The following CACNA2D3 variants were observed in gnomAD, a reference collection of about 807,000 sequenced individuals.
The protein encoded by CACNA2D3 is calcium voltage-gated channel auxiliary subunit alpha2delta 3.
Under a neutral mutation model 160.6 loss-of-function variants are expected in CACNA2D3, and 60 were observed. That is an observed-to-expected ratio of 0.37 (90% CI 0.30 to 0.46). The LOEUF (loss-of-function observed/expected upper bound fraction) is 0.46. Among genes scored for constraint, CACNA2D3 ranks in the 20% least tolerant of loss-of-function variants. CACNA2D3 has a pLI of 1.00. For synonymous variants in CACNA2D3, 558 were observed against 492.9 expected (o/e 1.13, Z -1.75); for missense variants, 1,205 against 1,365.0 (o/e 0.88, Z 1.85).
intron 11 of CACNA2D3, among the ~76,000 whole-genome samples, chr3:54,684,278 T>G (rs1015314239): frequency 1.3e-5 from 2 of 152,144 alleles, no homozygotes; most frequent in African/African-American, 4.8e-5. Flanking sequence ...CATCTTTTTA[T>G]AAAGACACCA....
intron 5 of CACNA2D3, among the ~76,000 whole-genome samples, chr3:54,555,219 G>T (rs778727727): frequency 2.0e-5 from 3 of 152,130 alleles, no homozygotes; most frequent in African/African-American, 4.8e-5. Flanking sequence ...GTAAGTAACA[G>T]CCAGTATTTA....
At chr3:54,672,467 G>A (rs1700178201) in intron 11 of CACNA2D3, among the ~76,000 whole-genome samples, 1 of 152,150 alleles carries the variant, frequency 6.6e-6, no homozygotes, top group South Asian at 2.1e-4. Flanking sequence ...CTCAGAAATG[G>A]TTCTTGTATC....
intron 5 of CACNA2D3, among the ~76,000 whole-genome samples, chr3:54,541,313 A>G (rs953880416): frequency 6.7e-6 from 1 of 149,206 alleles, no homozygotes; most frequent in East Asian, 2.0e-4. Flanking sequence ...AAAAGAAAAG[A>G]AAAGGAGAAA....
At chr3:54,546,054 A>G (rs1363450559) in intron 5 of CACNA2D3, among the ~76,000 whole-genome samples, 2 of 152,134 alleles carry the variant, frequency 1.3e-5, no homozygotes, top group Non-Finnish European at 2.9e-5. Context: ...CTGCCTCGGT[A>G]GGGTTAGGAA....
chr3:54,262,659 G>A (rs1702424564), intron 2 of CACNA2D3, among the ~76,000 whole-genome samples: 1 of 152,128 alleles, frequency 6.6e-6, no homozygotes, highest in Admixed American at 6.5e-5. Flanking sequence ...CATCCGTCGT[G>A]TGATTAGCAC....
chr3:54,671,967 C>G (rs1471144232), intron 11 of CACNA2D3, among the ~76,000 whole-genome samples: 1 of 152,204 alleles, frequency 6.6e-6, no homozygotes, highest in Non-Finnish European at 1.5e-5. Flanking sequence ...TGACTGTGCT[C>G]TGCCAAGGGA....
At chr3:54,861,327 G>A (rs1699286640) in intron 17 of CACNA2D3, among the ~76,000 whole-genome samples, 1 of 152,094 alleles carries the variant, frequency 6.6e-6, no homozygotes, top group Admixed American at 6.5e-5. Flanking sequence ...AGAGCACATG[G>A]GGTGGCATGT....
chr3:54,277,080 C>A (rs1702760438), intron 2 of CACNA2D3, among the ~76,000 whole-genome samples: 1 of 152,216 alleles, frequency 6.6e-6, no homozygotes, highest in African/African-American at 2.4e-5. Context: ...ATGACACAGA[C>A]CCAGTGTACC....
intron 5 of CACNA2D3, among the ~76,000 whole-genome samples, chr3:54,544,195 C>G (rs1297298292): frequency 6.6e-6 from 1 of 152,072 alleles, no homozygotes; most frequent in African/African-American, 2.4e-5. Flanking sequence ...ATGATAAGTA[C>G]ATAATACATT....
rs535582896 is a variant in CACNA2D3, at chr3:54,797,899, T to G, written c.1381-18954T>G. On this transcript the variant is annotated intron_variant, in intron 13 of 37. Coordinates refer to ENST00000474759, the MANE Select transcript of CACNA2D3 (RefSeq NM_018398.3). ...AAGCTCCATTATTGTTAAGTAAAAATAAGTAAGCCAAATAAGGAAGCAAAT... is the reference window on the plus strand; with the variant it reads ...AAGCTCCATTATTGTTAAGTAAAAAGAAGTAAGCCAAATAAGGAAGCAAAT... 8.6e-4 allele frequency among the ~76,000 whole-genome samples: 131 copies of G among 152,268 alleles called. 1 individual carries two copies. Among genetic ancestry groups the G allele is most frequent in the African/African-American group, 3.1e-3 (129 of 41,560 alleles).
intron 10 of CACNA2D3, among the ~76,000 whole-genome samples, chr3:54,631,068 G>A (rs1258046670): frequency 6.6e-6 from 1 of 152,058 alleles, no homozygotes; most frequent in East Asian, 1.9e-4. Context: ...GTCAGGCATG[G>A]TGGTAGGCGC....
chr3:55,014,006 C>T (rs538189376), intron 34 of CACNA2D3, among the ~76,000 whole-genome samples: 1 of 152,244 alleles, frequency 6.6e-6, no homozygotes, highest in South Asian at 2.1e-4. Flanking sequence ...GGATAGGAGG[C>T]ACAGCAGTGT....
At chr3:54,960,617 G>C (rs1040949636) in intron 27 of CACNA2D3, among the ~76,000 whole-genome samples, 5 of 152,050 alleles carry the variant, frequency 3.3e-5, no homozygotes, top group African/African-American at 1.2e-4. Flanking sequence ...ATTCTCCCTT[G>C]CCTATAATCT....
At chr3:55,018,953 T>G (rs1703388050) in intron 35 of CACNA2D3, among the ~76,000 whole-genome samples, 1 of 151,448 alleles carries the variant, frequency 6.6e-6, no homozygotes, top group East Asian at 1.9e-4. Flanking sequence ...TGCCTTTTTT[T>G]TTTTTTTTTT....
At chr3:54,333,635 G>C (rs535490537) in intron 3 of CACNA2D3, among the ~76,000 whole-genome samples, 1 of 151,502 alleles carries the variant, frequency 6.6e-6, no homozygotes, top group East Asian at 2.0e-4. Flanking sequence ...GCAGCACTCA[G>C]GGGGAGGGAG....
intron 13 of CACNA2D3, among the ~76,000 whole-genome samples, chr3:54,789,237 G>C (rs1702698924): frequency 6.6e-6 from 1 of 152,062 alleles, no homozygotes; most frequent in Non-Finnish European, 1.5e-5. Context: ...TTGAATAATT[G>C]AATAACTTTC....
chr3:54,516,701 C>T lies in CACNA2D3; in HGVS notation c.544+13047C>T, dbSNP rs143170058. 7.9e-4 allele frequency among the ~76,000 whole-genome samples: 121 copies of T among 152,262 alleles called. 3 individuals carry two copies. In the East Asian group the frequency reaches 0.018, roughly 23 times the overall value. ...AGCAGAGCCCCAGCGGTTGAGTCCA[C>T]GCGACCACATCTTCACCCGTGTCTA... On this transcript the variant is annotated intron_variant, in intron 5 of 37. Transcript: ENST00000474759.
At chr3:54,970,136 G>C (rs1702237058) in intron 29 of CACNA2D3, among the ~76,000 whole-genome samples, 1 of 152,028 alleles carries the variant, frequency 6.6e-6, no homozygotes, top group South Asian at 2.1e-4. Context: ...ACTGTTTGAA[G>C]CTCACATTAC....
intron 27 of CACNA2D3, among the ~76,000 whole-genome samples, chr3:54,956,737 G>C (rs1309366281): frequency 6.6e-6 from 1 of 152,132 alleles, no homozygotes; most frequent in East Asian, 1.9e-4. Flanking sequence ...TCATTACCTA[G>C]GGGAAGACAG....
Sources: gnomAD v4.1 joint callset for allele counts (sites outside exome capture counted in the v4.1 genomes callset) on GRCh38, gnomAD v4.1.1 for gene constraint, MANE v1.5 for transcripts, NCBI Gene and HGNC (gene_info 2026-07-23, HGNC 2026-07-21) for gene names.